Variants in LIPI observed in about 807,000 individuals in gnomAD.
LIPI encodes lipase member I.
A neutral mutation model predicts 50.6 loss-of-function variants in LIPI; 59 were observed. The observed-to-expected ratio is 1.16, with a 90% CI of 0.94 to 1.45. LIPI has a LOEUF of 1.45. Ranked by LOEUF, LIPI falls within the 40% of genes most tolerant of loss-of-function variation. The pLI is 0.00. For synonymous variants in LIPI, 203 were observed against 178.2 expected (o/e 1.14, Z -1.11); for missense variants, 586 against 536.3 (o/e 1.09, Z -0.92).
chr21:14,119,916 C>T (rs62208643), intron 9 of LIPI, among the ~76,000 whole-genome samples: 13,134 of 152,196 alleles, frequency 0.086, 655 homozygotes, highest in East Asian at 0.16. Context: ...AGGTGCCCCA[C>T]ACAGTTGTCA....
At chr21:14,178,896 G>A (rs1296343636) in intron 4 of LIPI, among the ~76,000 whole-genome samples, 1 of 152,138 alleles carries the variant, frequency 6.6e-6, no homozygotes. Context: ...ATAACTAGGA[G>A]TTCTAACAAT....
chr21:14,109,509 G>C (rs1043547936), intron 9 of LIPI, among the ~76,000 whole-genome samples: 3 of 152,070 alleles, frequency 2.0e-5, no homozygotes, highest in Admixed American at 6.5e-5. Context: ...TACTAAAATG[G>C]AAATAATAAA....
intron 9 of LIPI, among the ~76,000 whole-genome samples, chr21:14,130,093 A>G (rs1030032874): frequency 6.7e-6 from 1 of 149,706 alleles, no homozygotes; most frequent in Non-Finnish European, 1.5e-5. Context: ...GTTAGTTTTT[A>G]AAAAATTGCT....
intron 9 of LIPI, among the ~76,000 whole-genome samples, chr21:14,111,867 G>A (rs1270975645): frequency 6.6e-6 from 1 of 151,812 alleles, no homozygotes; most frequent in African/African-American, 2.4e-5. Context: ...TTTTAAAATA[G>A]ATTCAGGGGG....
At chr21:14,191,414 T>C (rs2019672460) in intron 1 of LIPI, among the ~76,000 whole-genome samples, 1 of 147,398 alleles carries the variant, frequency 6.8e-6, no homozygotes, top group African/African-American at 2.5e-5. Flanking sequence ...ATATATAAAG[T>C]AGAAAGAATG....
intron 9 of LIPI, among the ~76,000 whole-genome samples, chr21:14,142,491 T>C (rs1159474454): frequency 6.7e-6 from 1 of 149,550 alleles, no homozygotes; most frequent in East Asian, 2.0e-4. Flanking sequence ...ATATATTTTG[T>C]TGTTGTTGTT....
chr21:14,125,462 T>C (rs2017023280), intron 9 of LIPI, among the ~76,000 whole-genome samples: 1 of 152,136 alleles, frequency 6.6e-6, no homozygotes, highest in African/African-American at 2.4e-5. Context: ...ACTTGGTTCA[T>C]CCAAAAAGGC....
At chr21:14,184,484 A>C (rs1320884218) in intron 3 of LIPI, among the ~76,000 whole-genome samples, 2 of 152,044 alleles carry the variant, frequency 1.3e-5, no homozygotes, top group Non-Finnish European at 2.9e-5. Context: ...AATAATAATA[A>C]AATTTAAAAA....
chr21:14,129,675 GA>G (rs150943910), intron 9 of LIPI, among the ~76,000 whole-genome samples: 1,980 of 150,424 alleles, frequency 0.013, 47 homozygotes, highest in African/African-American at 0.046. Context: ...TCAGAAAAAA[GA>G]AAAAAATAAC....
At chr21:14,167,980 G>A (rs940650406) in intron 4 of LIPI, among the ~76,000 whole-genome samples, 7 of 152,160 alleles carry the variant, frequency 4.6e-5, no homozygotes, top group South Asian at 2.1e-4. Context: ...AAATTTAGAC[G>A]AATGTATAAC....
chr21:14,149,834 A>G (rs1056188528), intron 8 of LIPI, among the ~76,000 whole-genome samples: 1 of 152,076 alleles, frequency 6.6e-6, no homozygotes, highest in Non-Finnish European at 1.5e-5. Flanking sequence ...AGGCAGCTCC[A>G]CCCCTGCGGC....
intron 1 of LIPI, among the ~76,000 whole-genome samples, chr21:14,198,384 G>A (rs2019934766): frequency 6.6e-6 from 1 of 152,044 alleles, no homozygotes; most frequent in African/African-American, 2.4e-5. Flanking sequence ...CATCTCACAT[G>A]CAATGACAAA....
intron 4 of LIPI, among the ~76,000 whole-genome samples, chr21:14,175,101 T>C (rs2019049282): frequency 6.6e-6 from 1 of 152,216 alleles, no homozygotes; most frequent in Non-Finnish European, 1.5e-5. Context: ...GGTGCATTTG[T>C]ATTGTTTCCT....
At chr21:14,165,437 T>C (rs1284485419) in intron 5 of LIPI, 47 bp from the exon 6 acceptor site, 14 of 1,379,550 alleles carry the variant, frequency 1.0e-5, no homozygotes, top group Admixed American at 1.8e-5. Context: ...TATTAAGCCA[T>C]GTTCAAGTAC....
At chr21:14,148,501 T>C (rs1050134917) in intron 8 of LIPI, among the ~76,000 whole-genome samples, 89 of 152,196 alleles carry the variant, frequency 5.8e-4, no homozygotes, top group African/African-American at 2.0e-3. Context: ...TGACACTATA[T>C]TTTCACTGTA....
At chr21:14,147,058 T>C (rs1167582602) in intron 8 of LIPI, among the ~76,000 whole-genome samples, 1 of 152,146 alleles carries the variant, frequency 6.6e-6, no homozygotes, top group Non-Finnish European at 1.5e-5. Flanking sequence ...ATTACAAGCG[T>C]GAGCCACCAT....
At chr21:14,114,212 C>G (rs1466675300) in intron 9 of LIPI, among the ~76,000 whole-genome samples, 2 of 151,060 alleles carry the variant, frequency 1.3e-5, no homozygotes, top group African/African-American at 2.4e-5. Flanking sequence ...CTCATGGGAA[C>G]TAACTATCAC....
intron 9 of LIPI, among the ~76,000 whole-genome samples, chr21:14,137,456 G>A (rs2017541476): frequency 6.6e-6 from 1 of 152,142 alleles, no homozygotes; most frequent in Non-Finnish European, 1.5e-5. Flanking sequence ...ACTAACAAAA[G>A]CATCACAGTC....
intron 9 of LIPI, among the ~76,000 whole-genome samples, chr21:14,124,966 G>A (rs1190496330): frequency 2.6e-5 from 4 of 151,750 alleles, no homozygotes; most frequent in African/African-American, 9.7e-5. Flanking sequence ...TTGCACTCCA[G>A]CCTGCAACAA....
Sources: allele counts gnomAD v4.1 joint callset (sites outside exome capture counted in the v4.1 genomes callset), GRCh38; gene constraint gnomAD v4.1.1; transcripts MANE v1.5; gene names NCBI Gene and HGNC (gene_info 2026-07-23, HGNC 2026-07-21).